The following BAZ2B variants were observed in gnomAD, a reference collection of about 807,000 sequenced individuals.
BAZ2B encodes bromodomain adjacent to zinc finger domain protein 2B.
Under a neutral mutation model 246.0 loss-of-function variants are expected in BAZ2B, and 91 were observed. That is an observed-to-expected ratio of 0.37 (90% CI 0.31 to 0.44). BAZ2B has a LOEUF of 0.44. BAZ2B is among the 20% of genes least tolerant of loss of function. The pLI is 1.00. For missense variants in BAZ2B, 2,332 were observed against 2,533.7 expected (o/e 0.92, Z 1.71); for synonymous variants, 855 against 860.0 (o/e 0.99, Z 0.10).
intron 1 of BAZ2B, among the ~76,000 whole-genome samples, chr2:159,576,228 T>C (rs1361184849): frequency 1.3e-5 from 2 of 152,068 alleles, no homozygotes; most frequent in African/African-American, 4.8e-5. Flanking sequence ...CAACTGTAAG[T>C]AGAACAAATA....
chr2:159,635,320 G>A, the BAZ2B span, among the ~76,000 whole-genome samples: 10 of 151,674 alleles, frequency 6.6e-5, no homozygotes, highest in Non-Finnish European at 1.3e-4. Context: ...CTCAGCAGCT[G>A]TTGCTACTTT....
the BAZ2B span, among the ~76,000 whole-genome samples, chr2:159,663,005 A>T: frequency 1.3e-5 from 2 of 152,016 alleles, no homozygotes; most frequent in African/African-American, 4.8e-5. Flanking sequence ...TCCATTTTTT[A>T]AAATGAGCTT....
At chr2:159,537,753 A>G (rs1028276811) in intron 2 of BAZ2B, among the ~76,000 whole-genome samples, 6 of 152,172 alleles carry the variant, frequency 3.9e-5, no homozygotes, top group African/African-American at 1.4e-4. Flanking sequence ...TCCAGCTTCC[A>G]GAATTTTGTT....
chr2:159,607,855 T>G (rs992444538), intron 1 of BAZ2B, among the ~76,000 whole-genome samples: 1 of 152,174 alleles, frequency 6.6e-6, no homozygotes, highest in Non-Finnish European at 1.5e-5. Context: ...TACTATGAAC[T>G]TCCATAAATT....
At chr2:159,397,580 T>C (rs1264549193) in intron 18 of BAZ2B, among the ~76,000 whole-genome samples, 191 bp from the exon 19 acceptor site, 4 of 152,322 alleles carry the variant, frequency 2.6e-5, no homozygotes, top group Middle Eastern at 3.4e-3. Context: ...AACAAATACT[T>C]ACATAGAGAT....
At chr2:159,692,520 C>A in the BAZ2B span, among the ~76,000 whole-genome samples, 1 of 151,952 alleles carries the variant, frequency 6.6e-6, no homozygotes, top group Non-Finnish European at 1.5e-5. Flanking sequence ...CAAATTGTCA[C>A]AAATCTTCAG....
At chr2:159,420,604 T>A (rs2068579774) in intron 13 of BAZ2B, among the ~76,000 whole-genome samples, 1 of 152,190 alleles carries the variant, frequency 6.6e-6, no homozygotes, top group Admixed American at 6.5e-5. Flanking sequence ...TCACAAAAAA[T>A]GCTTTTCAAG....
rs759866409 is a variant in BAZ2B at position 159,446,783 on chromosome 2, T to C, written c.695A>G (p.Lys232Arg). Residue 232 changes from lysine (K) to arginine (R), a missense_variant and splice_region_variant, in exon 6 of 37, where the codon AAG (lysine) becomes AGG (arginine). Transcript: ENST00000392783. ...TTAGTCCTTCCAAGTACAACTTACC[T>C]TATCTTTGATTTTGTCAACTCTAGC... ...LDARVDKIKD[K>R]KPRKKAMESS... 5.0e-6 allele frequency: 8 copies of C among 1,603,236 alleles called. No individual in the cohort carries two copies. The highest frequency in any genetic ancestry group is 6.8e-6 in the Non-Finnish European group (8 of 1,174,974).
rs62173247 is a variant in BAZ2B at position 159,536,883 on chromosome 2, C to T, written c.-3+18940G>A. Among the ~76,000 whole-genome samples, 713 of 152,198 alleles carry T rather than the reference C, an allele frequency of 4.7e-3. 3 individuals carry two copies. Among genetic ancestry groups the T allele is most frequent in the Admixed American group, 8.6e-3 (132 of 15,290 alleles). On this transcript the variant is annotated intron_variant, in intron 2 of 36. Transcript: ENST00000392783. Reference sequence around the variant, plus strand: ...TGAAAGAACTTCAAACATCAGCAAACGAAAGCAATCTTTAATATTTACATG... The same window carrying T: ...TGAAAGAACTTCAAACATCAGCAAATGAAAGCAATCTTTAATATTTACATG...
chr2:159,429,225 C>T lies in BAZ2B; in HGVS notation c.2230G>A (p.Glu744Lys). Reference sequence around the variant, plus strand: ...CCATATTCCAATGGAATACGCAGTTCACGTTCATCTGTTACTCTTCTTCTT... The same window carrying T: ...CCATATTCCAATGGAATACGCAGTTTACGTTCATCTGTTACTCTTCTTCTT... ...SKRRRVTDER[E>K]LRIPLEYGWQ... Residue 744 changes from glutamate (E) to lysine (K), a missense_variant, in exon 11 of 37, where the codon GAA (glutamate) becomes AAA (lysine). Physicochemically the swap from Glu to Lys is moderately conservative, Grantham distance 56 (BLOSUM62 1). Coordinates refer to ENST00000392783, the MANE Select transcript of BAZ2B (RefSeq NM_013450.4). 1 of 1,561,056 alleles carries T rather than the reference C, an allele frequency of 6.4e-7. No individual in the cohort carries two copies.
intron 27 of BAZ2B, among the ~76,000 whole-genome samples, chr2:159,353,914 C>T (rs2058816496): frequency 6.6e-6 from 1 of 151,836 alleles, no homozygotes; most frequent in South Asian, 2.1e-4. Flanking sequence ...AAACAAAGGT[C>T]AAGAATACAG....
chr2:159,695,914 G>T, the BAZ2B span, among the ~76,000 whole-genome samples: 1 of 151,882 alleles, frequency 6.6e-6, no homozygotes, highest in Non-Finnish European at 1.5e-5. Context: ...ATGCCACCAT[G>T]CCTGGCTGAG....
intron 20 of BAZ2B, among the ~76,000 whole-genome samples, chr2:159,392,399 C>A (rs1158511016): frequency 6.6e-6 from 1 of 151,940 alleles, no homozygotes; most frequent in Non-Finnish European, 1.5e-5. Context: ...GGTAGTACTT[C>A]TTGTTTTTGA....
At position 159,415,169 on chromosome 2, in the gene BAZ2B, G is replaced by A. The variant is rs115070353; in HGVS notation, c.2467-2624C>T. On this transcript the variant is annotated intron_variant, in intron 13 of 36. Transcript: ENST00000392783. Reference sequence around the variant, plus strand: ...ACACAATGCTAGTGTATCTGCGGCCGGGCTCAGTGGCTCATGCCTATAACA... The same window carrying A: ...ACACAATGCTAGTGTATCTGCGGCCAGGCTCAGTGGCTCATGCCTATAACA... 8.2e-3 allele frequency among the ~76,000 whole-genome samples: 1,240 copies of A among 152,082 alleles called. 22 individuals carry two copies. Among genetic ancestry groups the A allele is most frequent in the African/African-American group, 0.028 (1,170 of 41,504 alleles).
At chr2:159,508,079 C>T (rs555120139) in intron 2 of BAZ2B, among the ~76,000 whole-genome samples, 1 of 152,250 alleles carries the variant, frequency 6.6e-6, no homozygotes, top group South Asian at 2.1e-4. Flanking sequence ...TCATGTTGGC[C>T]AGGCTGGTCT....
intron 1 of BAZ2B, among the ~76,000 whole-genome samples, chr2:159,582,018 T>C (rs924594127): frequency 1.3e-5 from 2 of 152,056 alleles, no homozygotes; most frequent in East Asian, 1.9e-4. Flanking sequence ...TGTGTACATA[T>C]GTAACAAACC....
intron 20 of BAZ2B, chr2:159,392,126 G>A (rs921591994): frequency 1.3e-5 from 2 of 152,144 alleles, no homozygotes; most frequent in East Asian, 3.9e-4. Context: ...CACCTGTGTG[G>A]AGAAGACAGC....
the BAZ2B span, among the ~76,000 whole-genome samples, chr2:159,659,448 GC>G: frequency 6.6e-6 from 1 of 152,162 alleles, no homozygotes; most frequent in Non-Finnish European, 1.5e-5. Flanking sequence ...TGTGTGGAGA[GC>G]CCCTATACAG....
chr2:159,453,525 T>C (rs1428137957), intron 4 of BAZ2B, 88 bp downstream of exon 4: 2 of 1,385,014 alleles, frequency 1.4e-6, no homozygotes, highest in Non-Finnish European at 1.9e-6. Context: ...GGCATTAGAC[T>C]ATTCCTTTTG....
Sources: allele counts gnomAD v4.1 joint callset (sites outside exome capture counted in the v4.1 genomes callset), GRCh38; gene constraint gnomAD v4.1.1; transcripts MANE v1.5; gene names NCBI Gene and HGNC (gene_info 2026-07-23, HGNC 2026-07-21).